SMAD2: variants seen among roughly 807,000 people sequenced by gnomAD.
SMAD2 encodes the protein SMAD family member 2, also known as MAD homolog 2.
Under a neutral mutation model 64.4 loss-of-function variants are expected in SMAD2, and 8 were observed. That is an observed-to-expected ratio of 0.12 (90% CI 0.07 to 0.22). The LOEUF (loss-of-function observed/expected upper bound fraction) is 0.22. Ranked by LOEUF, SMAD2 falls within the 10% of genes least tolerant of loss-of-function variation. The pLI is 1.00. For synonymous variants in SMAD2, 203 were observed against 195.8 expected (o/e 1.04, Z -0.31); for missense variants, 289 against 561.2 (o/e 0.51, Z 4.90).
In SMAD2 at chr18:47,845,452, A is replaced by C; in HGVS notation, c.1168T>G (p.Phe390Val). The C allele has an allele frequency of 6.2e-7, 1 of 1,613,840 alleles. No homozygotes were observed. Among genetic ancestry groups the C allele is most frequent in the Non-Finnish European group, 8.5e-7 (1 of 1,179,770 alleles). Reference sequence around the variant, plus strand: ...ACAGACTGAGCCAGAAGAGCAGCAAATTCCTGGTTGTTGAAGATCTTCAGA... The same window carrying C: ...ACAGACTGAGCCAGAAGAGCAGCAACTTCCTGGTTGTTGAAGATCTTCAGA... ...CNLKIFNNQE[F>V]AALLAQSVNQ... is the part of the protein sequence containing the mutation. Residue 390 changes from phenylalanine (F) to valine (V), a missense_variant, in exon 10 of 11, where the codon TTT (phenylalanine) becomes GTT (valine). Physicochemically the swap from Phe to Val is conservative, Grantham distance 50 (BLOSUM62 -1). Coordinates refer to ENST00000262160, the MANE Select transcript of SMAD2 (RefSeq NM_005901.6).
chr18:47,885,132 TACACACACACACACACACACACACACAC>T (rs57342899), intron 2 of SMAD2, among the ~76,000 whole-genome samples: 20 of 142,188 alleles, frequency 1.4e-4, no homozygotes, highest in Admixed American at 9.2e-4. Flanking sequence ...TTTAGTCATA[TACACACACACACACACACACACACACAC>T]ACACACACAC....
In SMAD2 at chr18:47,896,670, G is replaced by A. The variant is rs200108383; in HGVS notation, c.87C>T (p.Gly29=). Residue 29 remains glycine, a synonymous_variant, in exon 2 of 11, where the codon GGC becomes GGT. Transcript: ENST00000262160. ...CTTCCTGCCCATTCTGCTCTCCTCC[G>A]CCTGCTCCTCCAGACCCACCAGCTG... ...KKSAGGSGGA[G]GGEQNGQEEK... The A allele has an allele frequency of 6.8e-5, 109 of 1,613,844 alleles. 2 individuals are homozygous for A. Among genetic ancestry groups the A allele is most frequent in the Middle Eastern group, 6.6e-4 (4 of 6,062 alleles).
In SMAD2 at chr18:47,882,041, C is replaced by CTTTTTTTTTTTTTTTTT. The variant is rs71162900; in HGVS notation, c.237-11494_237-11478dup. ...CACAGGAATGTACTACCACGCTTGG[C>CTTTTTTTTTTTTTTTTT]TTTTTTTTTTTTTTTTTTTTTTTTT... On this transcript the variant is annotated intron_variant, in intron 2 of 10. Coordinates refer to ENST00000262160, the MANE Select transcript of SMAD2 (RefSeq NM_005901.6). Among the ~76,000 whole-genome samples, 219 of 38,864 alleles carry CTTTTTTTTTTTTTTTTT rather than the reference C, an allele frequency of 5.6e-3. 49 individuals are homozygous for CTTTTTTTTTTTTTTTTT. Among genetic ancestry groups the CTTTTTTTTTTTTTTTTT allele is most frequent in the East Asian group, 6.8e-3 (8 of 1,168 alleles). 25.5% of individuals were successfully genotyped at this position (38,864 alleles called of 152,430 possible).
At chr18:47,845,881 T>C (rs1009831825) in intron 8 of SMAD2, 81 bp from the exon 9 acceptor site, 4 of 1,274,528 alleles carry the variant, frequency 3.1e-6, no homozygotes, top group Admixed American at 1.7e-5. Flanking sequence ...TTGGAAAAAT[T>C]CTAAAATGAT....
chr18:47,923,193 A>G (rs1417899752), intron 1 of SMAD2, among the ~76,000 whole-genome samples: 1 of 150,558 alleles, frequency 6.6e-6, no homozygotes, highest in African/African-American at 2.4e-5. Context: ...AAAAAAAAAA[A>G]GCACCTATGA....
In SMAD2 at chr18:47,838,090, AT is replaced by A; in HGVS notation, c.*3736del. On this transcript the variant is annotated 3_prime_UTR_variant, in exon 11 of 11. Coordinates refer to ENST00000262160, the MANE Select transcript of SMAD2 (RefSeq NM_005901.6). The stretch of plus-strand genomic sequence containing the variant: ...CTGGGTATATATTTTCTTTTATTTG[AT>A]TTCAACTAGCAAGAGACTAAGACTG... The A allele has an allele frequency of 8.6e-6, 2 of 233,130 alleles. No homozygotes were observed. Among genetic ancestry groups the A allele is most frequent in the Non-Finnish European group, 1.7e-5 (2 of 117,710 alleles). 14.4% of individuals were successfully genotyped at this position (233,130 alleles called of 1,614,324 possible). A position where few individuals can be genotyped will look rare whatever the true frequency, so the allele number is the denominator to read the frequency against.
rs1322484505 is a variant in SMAD2, at chr18:47,868,313, G to C, written c.655+10C>G. On this transcript the variant is annotated intron_variant, in intron 5 of 10. Transcript: ENST00000262160. ...ATCCAAGTTTTAGGAGATTCAGAAGGCAAAAATACCTGGAATATAATTACT... is the reference window on the plus strand; with the variant it reads ...ATCCAAGTTTTAGGAGATTCAGAAGCCAAAAATACCTGGAATATAATTACT... The C allele has an allele frequency of 1.2e-6, 2 of 1,611,274 alleles. No individual in the cohort carries two copies. The highest frequency in any genetic ancestry group is 3.3e-5 in the Admixed American group (2 of 59,954).
At chr18:47,883,025 C>T (rs776476535) in intron 2 of SMAD2, among the ~76,000 whole-genome samples, 4 of 152,150 alleles carry the variant, frequency 2.6e-5, no homozygotes, top group Non-Finnish European at 4.4e-5. Flanking sequence ...GTCTAACAAG[C>T]GTTTATCTCT....
At chr18:47,905,072 T>C (rs144286697) in intron 1 of SMAD2, among the ~76,000 whole-genome samples, 108 of 152,294 alleles carry the variant, frequency 7.1e-4, no homozygotes, top group African/African-American at 2.5e-3. Flanking sequence ...AAACTGACTT[T>C]ATATTCTACA....
At chr18:47,889,538 G>C (rs533530501) in intron 2 of SMAD2, among the ~76,000 whole-genome samples, 1 of 152,094 alleles carries the variant, frequency 6.6e-6, no homozygotes, top group African/African-American at 2.4e-5. Flanking sequence ...TTGGGAGGCC[G>C]AGGTGGGCGG....
intron 1 of SMAD2, among the ~76,000 whole-genome samples, chr18:47,903,587 A>G (rs2033775155): frequency 6.6e-6 from 1 of 152,126 alleles, no homozygotes; most frequent in Non-Finnish European, 1.5e-5. Context: ...TTCAATCAAA[A>G]ATTACAAGAT....
intron 1 of SMAD2, among the ~76,000 whole-genome samples, chr18:47,898,920 T>C (rs775902243): frequency 1.3e-5 from 2 of 151,990 alleles, no homozygotes; most frequent in Non-Finnish European, 2.9e-5. Flanking sequence ...TGTGCCTGTA[T>C]TTACCTGTTT....
At chr18:47,928,656 G>C (rs2034865538) in intron 1 of SMAD2, among the ~76,000 whole-genome samples, 3 of 152,164 alleles carry the variant, frequency 2.0e-5, no homozygotes, top group Non-Finnish European at 4.4e-5. Flanking sequence ...ACTGTGTAGA[G>C]ACATGACCAC....
intron 6 of SMAD2, 124 bp downstream of exon 6, chr18:47,864,935 G>A (rs1191985879): frequency 2.9e-6 from 2 of 684,688 alleles, no homozygotes; most frequent in Non-Finnish European, 5.3e-6. Flanking sequence ...CAAGATAGAA[G>A]ATCATCTTTT....
At chr18:47,880,727 G>A (rs1395894774) in intron 2 of SMAD2, among the ~76,000 whole-genome samples, 1 of 152,168 alleles carries the variant, frequency 6.6e-6, no homozygotes, top group Non-Finnish European at 1.5e-5. Flanking sequence ...AATTTTATCT[G>A]ATGGTAGTTA....
At position 47,930,511 on chromosome 18, in the gene SMAD2, T is replaced by TCCCGC. The variant is rs1347043447; in HGVS notation, c.-209_-205dup. 2 of 144,428 alleles carry TCCCGC rather than the reference T, an allele frequency of 1.4e-5. No homozygotes were observed. The highest frequency in any genetic ancestry group is 2.2e-4 in the East Asian group (1 of 4,644). 8.9% of individuals were successfully genotyped at this position (144,428 alleles called of 1,614,324 possible). A position where few individuals can be genotyped will look rare whatever the true frequency, so the allele number is the denominator to read the frequency against. Reference sequence around the variant, plus strand: ...CTGAAAACACTCCCGGCCGCCGTCTTCCCGCCCCGCCCCCAGGCCCGGGCC... The same window carrying TCCCGC: ...CTGAAAACACTCCCGGCCGCCGTCTTCCCGCCCCGCCCCGCCCCCAGGCCCGGGCC... On this transcript the variant is annotated 5_prime_UTR_variant, in exon 1 of 11. Transcript: ENST00000262160.
intron 6 of SMAD2, among the ~76,000 whole-genome samples, chr18:47,855,876 T>TA (rs775518176): frequency 2.0e-5 from 3 of 152,178 alleles, no homozygotes; most frequent in Non-Finnish European, 2.9e-5. Flanking sequence ...AAAAGCTGAT[T>TA]GTCTAATGAA....
At chr18:47,848,453 C>A (rs150503321) in intron 8 of SMAD2, 22 bp downstream of exon 8, 1 of 1,556,274 alleles carries the variant, frequency 6.4e-7, no homozygotes. Context: ...TTATTTTTCA[C>A]AACAAGGAAA....
At chr18:47,926,755 T>C (rs1359774871) in intron 1 of SMAD2, among the ~76,000 whole-genome samples, 4 of 152,172 alleles carry the variant, frequency 2.6e-5, no homozygotes, top group African/African-American at 4.8e-5. Flanking sequence ...AGGTCCATAA[T>C]AACAGTGTAG....
Sources: allele counts gnomAD v4.1 joint callset (sites outside exome capture counted in the v4.1 genomes callset), GRCh38; gene constraint gnomAD v4.1.1; transcripts MANE v1.5; gene names NCBI Gene and HGNC (gene_info 2026-07-23, HGNC 2026-07-21).